Variants in CFAP54 observed in about 807,000 individuals in gnomAD.
CFAP54 encodes cilia and flagella associated protein 54.
Under a neutral mutation model 370.4 loss-of-function variants are expected in CFAP54, and 290 were observed. The ratio of observed to expected loss-of-function variants is 0.78; its 90% CI spans 0.71 to 0.86. The LOEUF (loss-of-function observed/expected upper bound fraction) is 0.86, where lower values mean the gene tolerates loss of function less well. CFAP54 is among the 40% of genes least tolerant of loss of function. The pLI is 0.00. For missense variants in CFAP54, 3,399 were observed against 3,528.7 expected (o/e 0.96, Z 0.93); for synonymous variants, 1,206 against 1,236.5 (o/e 0.98, Z 0.52).
chr12:96,654,832 ATTT>A (rs10631171), intron 36 of CFAP54, among the ~76,000 whole-genome samples: 2 of 132,126 alleles, frequency 1.5e-5, no homozygotes, highest in East Asian at 2.6e-4. Flanking sequence ...ATTTCACTTA[ATTT>A]TTTTTTTTTT....
intron 60 of CFAP54, among the ~76,000 whole-genome samples, chr12:96,776,195 A>G (rs960767470): frequency 6.6e-6 from 1 of 152,112 alleles, no homozygotes; most frequent in Non-Finnish European, 1.5e-5. Flanking sequence ...GAAAGTAATC[A>G]ATGATGTTAA....
chr12:96,547,774 C>A, intron 14 of CFAP54, 128 bp from the exon 15 acceptor site: 1 of 404,752 alleles, frequency 2.5e-6, no homozygotes, highest in East Asian at 3.6e-5. Context: ...TCTGGTCCTT[C>A]CTTCTTCTTT....
At chr12:96,602,283 T>C (rs1373793474) in intron 26 of CFAP54, among the ~76,000 whole-genome samples, 4 of 152,246 alleles carry the variant, frequency 2.6e-5, no homozygotes, top group Non-Finnish European at 5.9e-5. Context: ...AGTTTCTTAA[T>C]CCCGAGTTCT....
At chr12:96,589,195 T>C (rs539042866) in intron 22 of CFAP54, among the ~76,000 whole-genome samples, 15 of 152,364 alleles carry the variant, frequency 9.8e-5, no homozygotes, top group African/African-American at 3.4e-4. Flanking sequence ...CAAATTTCCA[T>C]GCAATTTAGA....
At chr12:96,690,585 AC>A (rs1420013944) in intron 43 of CFAP54, among the ~76,000 whole-genome samples, 5 of 152,326 alleles carry the variant, frequency 3.3e-5, no homozygotes, top group Admixed American at 1.3e-4. Context: ...GACTTCTGAA[AC>A]AAGTAGTCAT....
intron 55 of CFAP54, 133 bp from the exon 56 acceptor site, chr12:96,753,610 A>T: frequency 1.3e-6 from 1 of 789,742 alleles, no homozygotes. Flanking sequence ...CATTTCTTGG[A>T]TGCTAAAAAC....
At chr12:96,584,051 G>A (rs1956054245) in intron 22 of CFAP54, among the ~76,000 whole-genome samples, 1 of 152,098 alleles carries the variant, frequency 6.6e-6, no homozygotes, top group Admixed American at 6.6e-5. Context: ...GCAGGTGAAG[G>A]GGAAATGAAG....
intron 27 of CFAP54, among the ~76,000 whole-genome samples, chr12:96,623,045 A>G (rs1956517026): frequency 6.6e-6 from 1 of 152,122 alleles, no homozygotes; most frequent in Admixed American, 6.5e-5. Context: ...TCATGGTAGG[A>G]CAGGCCTCAT....
intron 50 of CFAP54, among the ~76,000 whole-genome samples, chr12:96,732,352 A>T (rs1957930701): frequency 6.6e-6 from 1 of 152,022 alleles, no homozygotes; most frequent in Non-Finnish European, 1.5e-5. Context: ...GGCTGGTCTC[A>T]AACTTCTGAC....
At chr12:96,735,800 T>C (rs972933169) in intron 50 of CFAP54, among the ~76,000 whole-genome samples, 2 of 152,194 alleles carry the variant, frequency 1.3e-5, no homozygotes, top group Non-Finnish European at 2.9e-5. Context: ...GTAGAGAAAT[T>C]ATGTTTTTAA....
At chr12:96,833,962 T>C (rs915716981) in intron 66 of CFAP54, among the ~76,000 whole-genome samples, 2 of 152,098 alleles carry the variant, frequency 1.3e-5, no homozygotes, top group African/African-American at 4.8e-5. Flanking sequence ...CACTGATACA[T>C]AGGAAAATTT....
intron 29 of CFAP54, among the ~76,000 whole-genome samples, 153 bp downstream of exon 29, chr12:96,625,960 T>C (rs924761221): frequency 1.2e-4 from 18 of 152,220 alleles, no homozygotes; most frequent in African/African-American, 4.1e-4. Context: ...TGCAGAATCC[T>C]GATTGCCAAG....
At chr12:96,572,732 T>G in intron 19 of CFAP54, 1 of 369,930 alleles carries the variant, frequency 2.7e-6, no homozygotes, top group Non-Finnish European at 3.7e-6. Context: ...TCCTTGGTGT[T>G]TGTAAATAAT....
intron 36 of CFAP54, among the ~76,000 whole-genome samples, chr12:96,656,348 G>A (rs964762057): frequency 4.0e-5 from 6 of 151,412 alleles, no homozygotes; most frequent in Non-Finnish European, 8.8e-5. Flanking sequence ...GATGGGTGCT[G>A]AACAAGGCAA....
chr12:96,867,611 G>A (rs1960038042), intron 67 of CFAP54, among the ~76,000 whole-genome samples: 1 of 152,162 alleles, frequency 6.6e-6, no homozygotes, highest in Non-Finnish European at 1.5e-5. Flanking sequence ...ATTTGCCACA[G>A]CGTGGATGAA....
In CFAP54 at chr12:96,784,759, A is replaced by G. The variant is rs1310787187; in HGVS notation, c.8324A>G (p.Tyr2775Cys). 2.6e-6 allele frequency: 4 copies of G among 1,529,658 alleles called. No individual in the cohort carries two copies. The South Asian group carries it at 4.8e-5, about 19-fold the overall frequency. 94.8% of individuals were successfully genotyped at this position (1,529,658 alleles called of 1,614,324 possible). A position where few individuals can be genotyped will look rare whatever the true frequency, so the allele number is the denominator to read the frequency against. The stretch of plus-strand genomic sequence containing the variant: ...TTCCAGACTTCCTGTACATTTTTGT[A>G]CCAAAATGATGATGTGTGTGACAGC... Reference protein sequence around the residue: ...VLFQTSCTFLYQNDDVCDSAD... With the variant: ...VLFQTSCTFLCQNDDVCDSAD... The change falls in exon 61 of 68, where the codon TAC (tyrosine) becomes TGC (cysteine). Residue 2775 changes from tyrosine (Y) to cysteine (C), a missense_variant. Tyr to Cys is a radical substitution (Grantham distance 194, BLOSUM62 -2). Coordinates refer to ENST00000524981, the MANE Select transcript of CFAP54 (RefSeq NM_001306084.2).
At chr12:96,831,038 A>T (rs1959169491) in intron 66 of CFAP54, among the ~76,000 whole-genome samples, 1 of 152,158 alleles carries the variant, frequency 6.6e-6, no homozygotes, top group Non-Finnish European at 1.5e-5. Flanking sequence ...GGAAAATAGT[A>T]TATCATTATT....
intron 5 of CFAP54, among the ~76,000 whole-genome samples, chr12:96,516,425 G>C (rs749478939): frequency 2.6e-5 from 4 of 152,008 alleles, no homozygotes; most frequent in Non-Finnish European, 5.9e-5. Context: ...GCAGGGAAGG[G>C]GTTGATATTT....
chr12:96,802,021 G>A (rs1457717936), intron 63 of CFAP54, among the ~76,000 whole-genome samples: 1 of 152,108 alleles, frequency 6.6e-6, no homozygotes, highest in Non-Finnish European at 1.5e-5. Context: ...TTGCATGGCT[G>A]GGAAGGGTCC....
Sources: gnomAD v4.1 joint callset for allele counts (sites outside exome capture counted in the v4.1 genomes callset) on GRCh38, gnomAD v4.1.1 for gene constraint, MANE v1.5 for transcripts, NCBI Gene and HGNC (gene_info 2026-07-23, HGNC 2026-07-21) for gene names.